The following WWOX variants were observed in gnomAD, a reference collection of about 807,000 sequenced individuals.
The protein encoded by WWOX is WW domain-containing oxidoreductase.
A neutral mutation model predicts 46.2 loss-of-function variants in WWOX; 69 were observed. The observed-to-expected ratio is 1.49, with a 90% CI of 1.23 to 1.82. The LOEUF (loss-of-function observed/expected upper bound fraction) is 1.82, where lower values mean the gene tolerates loss of function less well. Among genes scored for constraint, WWOX ranks in the 40% most tolerant of loss-of-function variants. The pLI is 0.00. For synonymous variants in WWOX, 359 were observed against 202.6 expected, an observed-to-expected ratio of 1.77 and a Z score of -6.56; for missense variants, 919 against 542.6, an observed-to-expected ratio of 1.69 and a Z score of -6.89.
intron 5 of WWOX, among the ~76,000 whole-genome samples, chr16:78,301,855 T>G (rs931136097): frequency 6.6e-6 from 1 of 152,156 alleles, no homozygotes; most frequent in African/African-American, 2.4e-5. Flanking sequence ...TTCTTGGGGT[T>G]GGAGGGCAGG....
chr16:78,679,926 A>G (rs1325456378), intron 8 of WWOX, among the ~76,000 whole-genome samples: 1 of 152,132 alleles, frequency 6.6e-6, no homozygotes, highest in Non-Finnish European at 1.5e-5. Context: ...ATGGCAGCTG[A>G]GTGCTTTTGT....
chr16:78,317,391 C>G (rs1369027042), intron 5 of WWOX, among the ~76,000 whole-genome samples: 1 of 152,160 alleles, frequency 6.6e-6, no homozygotes, highest in African/African-American at 2.4e-5. Context: ...AGACTGGATA[C>G]TGCATCTAGC....
At chr16:78,622,972 G>C (rs1022039035) in intron 8 of WWOX, among the ~76,000 whole-genome samples, 1 of 152,094 alleles carries the variant, frequency 6.6e-6, no homozygotes, top group South Asian at 2.1e-4. Flanking sequence ...TCTAGGAGCT[G>C]AGAGTGCCCT....
intron 5 of WWOX, among the ~76,000 whole-genome samples, chr16:78,359,720 G>C (rs563001804): frequency 6.6e-6 from 1 of 152,246 alleles, no homozygotes; most frequent in African/African-American, 2.4e-5. Flanking sequence ...AACCTTTTAC[G>C]AGACAACGTG....
At chr16:78,478,460 T>C (rs980080801) in intron 8 of WWOX, among the ~76,000 whole-genome samples, 1 of 152,148 alleles carries the variant, frequency 6.6e-6, no homozygotes. Flanking sequence ...GAAAAAGCGA[T>C]GATAATGACG....
chr16:78,420,063 C>G (rs1364554113), intron 6 of WWOX, among the ~76,000 whole-genome samples: 3 of 151,908 alleles, frequency 2.0e-5, no homozygotes, highest in Non-Finnish European at 4.4e-5. Context: ...AAATGAAAGC[C>G]ACAATGAGAT....
chr16:79,167,796 G>A (rs79609322), intron 8 of WWOX, among the ~76,000 whole-genome samples: 1,734 of 152,274 alleles, frequency 0.011, 36 homozygotes, highest in African/African-American at 0.04. Context: ...GTACACTTCA[G>A]TGGCATTTAG....
At chr16:79,048,490 G>C (rs981226247) in intron 8 of WWOX, among the ~76,000 whole-genome samples, 2 of 151,932 alleles carry the variant, frequency 1.3e-5, no homozygotes, top group Non-Finnish European at 1.5e-5. Flanking sequence ...CTTTGTCTTG[G>C]TGCTTCGTTT....
chr16:78,564,615 T>G (rs530441673), intron 8 of WWOX, among the ~76,000 whole-genome samples: 1 of 152,262 alleles, frequency 6.6e-6, no homozygotes, highest in South Asian at 2.1e-4. Flanking sequence ...ATCAATTTCT[T>G]TTTAAATCTG....
chr16:78,749,034 C>G (rs1030837366), intron 8 of WWOX, among the ~76,000 whole-genome samples: 6 of 152,324 alleles, frequency 3.9e-5, no homozygotes, highest in African/African-American at 1.4e-4. Context: ...AGAAATTAGC[C>G]AAGTGTATTC....
chr16:78,442,158 T>C (rs2083458938), intron 8 of WWOX, among the ~76,000 whole-genome samples: 1 of 151,942 alleles, frequency 6.6e-6, no homozygotes, highest in Non-Finnish European at 1.5e-5. Context: ...AAAAATTATA[T>C]GTATTCGTGG....
chr16:78,632,772 G>C (rs1567451147), intron 8 of WWOX, among the ~76,000 whole-genome samples: 1 of 151,546 alleles, frequency 6.6e-6, no homozygotes, highest in Non-Finnish European at 1.5e-5. Flanking sequence ...TGGTCAGACT[G>C]GTCTCGAACT....
chr16:78,668,974 A>C (rs558605000), intron 8 of WWOX, among the ~76,000 whole-genome samples: 2 of 152,330 alleles, frequency 1.3e-5, no homozygotes, highest in African/African-American at 4.8e-5. Context: ...GTACTTAAAA[A>C]TTGTTAGAAG....
chr16:78,556,286 CAACACAGA>C lies in WWOX; in HGVS notation c.1056+123535_1056+123542del, dbSNP rs751990084. On this transcript the variant is annotated intron_variant, in intron 8 of 8. Transcript: ENST00000566780. ...TAAAAAAAAAAAAAAAGAAAAAATC[CAACACAGA>C]GACATGGAGACAGTCGGCGATTGGG... 2.6e-3 allele frequency among the ~76,000 whole-genome samples: 392 copies of C among 151,158 alleles called. 1 individual carries two copies. Among genetic ancestry groups the C allele is most frequent in the Middle Eastern group, 0.01 (3 of 290 alleles).
At chr16:78,883,320 C>A (rs1597102722) in intron 8 of WWOX, among the ~76,000 whole-genome samples, 1 of 152,156 alleles carries the variant, frequency 6.6e-6, no homozygotes, top group Non-Finnish European at 1.5e-5. Flanking sequence ...TAAATGCCAT[C>A]CGGTGACATC....
chr16:79,111,973 C>T (rs73576943), intron 8 of WWOX, among the ~76,000 whole-genome samples: 2 of 151,966 alleles, frequency 1.3e-5, no homozygotes, highest in African/African-American at 4.8e-5. Context: ...CTCATAGGAC[C>T]CTGTTAAGCA....
chr16:79,153,635 C>A (rs968686363), intron 8 of WWOX, among the ~76,000 whole-genome samples: 6 of 152,116 alleles, frequency 3.9e-5, no homozygotes, highest in East Asian at 1.9e-4. Context: ...TTTGTGGTCA[C>A]CATATTAATC....
At chr16:78,148,415 T>C (rs1375060158) in intron 4 of WWOX, among the ~76,000 whole-genome samples, 1 of 152,136 alleles carries the variant, frequency 6.6e-6, no homozygotes, top group Non-Finnish European at 1.5e-5. Flanking sequence ...GGAGCAATTG[T>C]TACTTTCTTG....
chr16:79,124,149 C>G (rs1406485405), intron 8 of WWOX, among the ~76,000 whole-genome samples: 5 of 152,012 alleles, frequency 3.3e-5, no homozygotes, highest in Admixed American at 1.3e-4. Flanking sequence ...GGATGGTGCC[C>G]CAGAGGGTGA....
Sources: allele counts gnomAD v4.1 joint callset (sites outside exome capture counted in the v4.1 genomes callset), GRCh38; gene constraint gnomAD v4.1.1; transcripts MANE v1.5; gene names NCBI Gene and HGNC (gene_info 2026-07-23, HGNC 2026-07-21).